The following SETX variants were observed in gnomAD, a reference collection of about 807,000 sequenced individuals.
SETX encodes the protein helicase senataxin.
In SETX, 90 loss-of-function variants were observed where a neutral mutation model predicts 227.2. The ratio of observed to expected loss-of-function variants is 0.40; its 90% CI spans 0.33 to 0.47. SETX has a LOEUF of 0.47. SETX is among the 20% of genes least tolerant of loss of function. SETX has a pLI of 0.91. For missense variants in SETX, 3,052 were observed against 3,181.5 expected, an observed-to-expected ratio of 0.96 and a Z score of 0.98; for synonymous variants, 1,210 against 1,113.2, an observed-to-expected ratio of 1.09 and a Z score of -1.73.
chr9:132,268,643 AAAAT>A (rs1842758006), intron 25 of SETX, among the ~76,000 whole-genome samples: 1 of 152,226 alleles, frequency 6.6e-6, no homozygotes, highest in Non-Finnish European at 1.5e-5. Context: ...AGGAAAAAAT[AAAAT>A]AATATTGCTT....
intron 24 of SETX, among the ~76,000 whole-genome samples, chr9:132,271,380 C>G (rs7030624): frequency 0.099 from 14,987 of 152,136 alleles, 1,403 homozygotes; most frequent in East Asian, 0.37. Context: ...CCTGGGCAAC[C>G]TGGCAAAACA....
At position 132,264,102 on chromosome 9, in the gene SETX, G is replaced by A. The variant is rs1842508720; in HGVS notation, c.*137C>T. The A allele has an allele frequency of 2.4e-6, 3 of 1,236,904 alleles. No homozygotes were observed. Among genetic ancestry groups the A allele is most frequent in the South Asian group, 1.2e-5 (1 of 80,814 alleles). 76.6% of individuals were successfully genotyped at this position (1,236,904 alleles called of 1,614,324 possible). ...ACTGAAGATGACCAGAGGCTCAGGT[G>A]TTAAGGATGCATTTTCCATGTTTTC... On this transcript the variant is annotated 3_prime_UTR_variant, in exon 26 of 26. Transcript: ENST00000224140.
intron 3 of SETX, among the ~76,000 whole-genome samples, chr9:132,347,281 A>C (rs1248262106): frequency 6.6e-6 from 1 of 152,014 alleles, no homozygotes; most frequent in East Asian, 1.9e-4. Context: ...ACGAAAAAAA[A>C]CAAGAAAACA....
At chr9:132,309,758 T>C (rs549630595) in intron 11 of SETX, among the ~76,000 whole-genome samples, 3 of 152,108 alleles carry the variant, frequency 2.0e-5, no homozygotes, top group Admixed American at 2.0e-4. Context: ...GGTAGGTGGA[T>C]CTGCGAGCTG....
chr9:132,270,936 A>C lies in SETX; in HGVS notation c.7199+774T>G, dbSNP rs984408025. On this transcript the variant is annotated intron_variant, in intron 24 of 25. Transcript: ENST00000224140. The stretch of plus-strand genomic sequence containing the variant: ...TCTGTATATGCAGCCCATCCCAGGG[A>C]GGGGCAAAGATTACTTTAATTACTA... 3.9e-5 allele frequency among the ~76,000 whole-genome samples: 6 copies of C among 152,356 alleles called. 1 individual carries two copies. In the South Asian group the frequency reaches 6.2e-4, roughly 16 times the overall value.
In SETX at chr9:132,298,317, C is replaced by T. The variant is rs1290116861; in HGVS notation, c.5549-5G>A. On this transcript the variant is annotated splice_region_variant and splice_polypyrimidine_tract_variant and intron_variant, in intron 12 of 25. Transcript: ENST00000224140. Reference sequence around the variant, plus strand: ...ACTCAGTTTTCCCATTACGCACTATCATCAAGAAAGAGAAAAAGCAACTTC... The same window carrying T: ...ACTCAGTTTTCCCATTACGCACTATTATCAAGAAAGAGAAAAAGCAACTTC... 1 of 1,612,760 alleles carries T rather than the reference C, an allele frequency of 6.2e-7. No individual in the cohort carries two copies. The highest frequency in any genetic ancestry group is 1.3e-5 in the African/African-American group (1 of 74,966).
chr9:132,329,778 T>TCCA lies in SETX; in HGVS notation c.1817_1819dup (p.Val606dup). The TCCA allele has an allele frequency of 6.2e-7, 1 of 1,614,114 alleles. No individual in the cohort carries two copies. Among genetic ancestry groups the TCCA allele is most frequent in the Middle Eastern group, 1.6e-4 (1 of 6,062 alleles). On this transcript the variant is annotated inframe_insertion, in exon 10 of 26. Transcript: ENST00000224140. Reference sequence around the variant, plus strand: ...AGAGATTTTACATGCAGAAGTCAGATCCACAAAAGTGTTACATGGAGGTGC... The same window carrying TCCA: ...AGAGATTTTACATGCAGAAGTCAGATCCACCACAAAAGTGTTACATGGAGGTGC...
chr9:132,325,083 G>A (rs1475465468), intron 10 of SETX, among the ~76,000 whole-genome samples: 1 of 152,206 alleles, frequency 6.6e-6, no homozygotes, highest in Non-Finnish European at 1.5e-5. Context: ...GCGGCCAGAC[G>A]CAGTGGCTCA....
intron 11 of SETX, among the ~76,000 whole-genome samples, chr9:132,301,537 T>C (rs540452327): frequency 5.3e-4 from 80 of 152,250 alleles, no homozygotes; most frequent in African/African-American, 1.9e-3. Flanking sequence ...TCCCATAAGA[T>C]TATAATATAT....
intron 24 of SETX, among the ~76,000 whole-genome samples, chr9:132,269,910 T>C (rs1233501117): frequency 7.7e-6 from 1 of 130,184 alleles, no homozygotes; most frequent in Admixed American, 7.5e-5. Flanking sequence ...TGACTCAGCA[T>C]CCTCATGTGA....
Position 132,306,273 on chromosome 9 carries a change from C to T in SETX, c.5375-5470G>A, listed in dbSNP as rs758395332. Among the ~76,000 whole-genome samples the T allele has an allele frequency of 1.2e-4, 19 of 152,276 alleles. 1 individual carries two copies. The Middle Eastern group carries it at 0.01, about 82-fold the overall frequency. Reference sequence around the variant, plus strand: ...TGTCACCCAGGATGGAGTGCAATGGCGCAATCTCGGTTCACTGCAACCTCT... The same window carrying T: ...TGTCACCCAGGATGGAGTGCAATGGTGCAATCTCGGTTCACTGCAACCTCT... On this transcript the variant is annotated intron_variant, in intron 11 of 25. Transcript: ENST00000224140.
At chr9:132,290,086 G>A (rs933592554) in intron 15 of SETX, among the ~76,000 whole-genome samples, 3 of 151,986 alleles carry the variant, frequency 2.0e-5, no homozygotes, top group African/African-American at 7.3e-5. Context: ...GCACACACCT[G>A]TAATCTCAGC....
In SETX at chr9:132,301,236, G is replaced by A. The variant is rs563127207; in HGVS notation, c.5375-433C>T. Among the ~76,000 whole-genome samples the A allele has an allele frequency of 5.9e-5, 9 of 151,734 alleles. No homozygotes were observed. The South Asian group carries it at 1.7e-3, about 28-fold the overall frequency. The stretch of plus-strand genomic sequence containing the variant: ...GCCTCCCAAATAGCTGGAGGCGCCC[G>A]CCACCACGCCCGGCTAATTTTTTTG... On this transcript the variant is annotated intron_variant, in intron 11 of 25. Transcript: ENST00000224140.
chr9:132,320,370 T>C (rs1188485558), intron 10 of SETX, among the ~76,000 whole-genome samples: 6 of 151,870 alleles, frequency 4.0e-5, no homozygotes, highest in Non-Finnish European at 8.8e-5. Context: ...GGTCAGAAGA[T>C]TGAGACCATC....
chr9:132,300,512 T>C (rs1484984911), intron 12 of SETX, 118 bp downstream of exon 12: 44 of 1,148,992 alleles, frequency 3.8e-5, no homozygotes, highest in African/African-American at 9.1e-5. Context: ...GTAATCAACA[T>C]AGCAAAAACA....
chr9:132,342,869 T>G (rs1447928292), intron 4 of SETX, 70 bp from the exon 5 acceptor site: 1 of 1,134,426 alleles, frequency 8.8e-7, no homozygotes, highest in African/African-American at 1.5e-5. Context: ...ATTAGGCTCC[T>G]TGGGCTATTC....
chr9:132,293,098 G>C (rs1316807709), intron 15 of SETX, among the ~76,000 whole-genome samples: 1 of 152,012 alleles, frequency 6.6e-6, no homozygotes, highest in Non-Finnish European at 1.5e-5. Context: ...AAGACACCAA[G>C]GTGTCCTTAT....
chr9:132,318,243 A>G (rs905883248), intron 10 of SETX, among the ~76,000 whole-genome samples: 1 of 152,094 alleles, frequency 6.6e-6, no homozygotes, highest in Non-Finnish European at 1.5e-5. Flanking sequence ...TTCTTGCTTC[A>G]TGTTTCTAGC....
intron 10 of SETX, among the ~76,000 whole-genome samples, chr9:132,317,032 A>G (rs1846010750): frequency 6.6e-6 from 1 of 152,260 alleles, no homozygotes; most frequent in Non-Finnish European, 1.5e-5. Flanking sequence ...GAAAGAAGTC[A>G]CATCTTTACA....
Sources: allele counts gnomAD v4.1 joint callset (sites outside exome capture counted in the v4.1 genomes callset), GRCh38; gene constraint gnomAD v4.1.1; transcripts MANE v1.5; gene names NCBI Gene and HGNC (gene_info 2026-07-23, HGNC 2026-07-21).